ADGRL1: variants seen among roughly 807,000 people sequenced by gnomAD.
ADGRL1 encodes adhesion G protein-coupled receptor L1, also known as CIRL-1.
ADGRL1 carries 31 observed loss-of-function variants against 148.9 expected under a neutral mutation model. That is an observed-to-expected ratio of 0.21 (90% CI 0.16 to 0.28). ADGRL1 has a LOEUF of 0.28. Ranked by LOEUF, ADGRL1 falls within the 10% of genes least tolerant of loss-of-function variation. The probability of loss-of-function intolerance (pLI) is 1.00; values close to 1 mark genes in which losing one functional copy is unlikely to be tolerated. For missense variants in ADGRL1, 1,521 were observed against 2,058.8 expected (o/e 0.74, Z 5.05); for synonymous variants, 937 against 900.3 (o/e 1.04, Z -0.73).
intron 1 of ADGRL1, among the ~76,000 whole-genome samples, chr19:14,204,037 G>C (rs139840482): frequency 6.6e-6 from 1 of 152,132 alleles, no homozygotes; most frequent in Non-Finnish European, 1.5e-5. Flanking sequence ...ATGTGGCTCC[G>C]TGCACGGGTG....
At chr19:14,177,102 C>A (rs1053392930) in intron 3 of ADGRL1, among the ~76,000 whole-genome samples, 1 of 151,990 alleles carries the variant, frequency 6.6e-6, no homozygotes, top group Non-Finnish European at 1.5e-5. Flanking sequence ...TGGTGGCGTG[C>A]GCCTATAATC....
intron 2 of ADGRL1, among the ~76,000 whole-genome samples, chr19:14,178,462 G>A (rs1192727212): frequency 6.6e-6 from 1 of 151,986 alleles, no homozygotes; most frequent in Non-Finnish European, 1.5e-5. Flanking sequence ...CCATGATTGT[G>A]CCATTGCACT....
chr19:14,195,889 C>T (rs1482883958), intron 1 of ADGRL1, among the ~76,000 whole-genome samples: 2 of 152,132 alleles, frequency 1.3e-5, no homozygotes, highest in African/African-American at 4.8e-5. Flanking sequence ...ATCTCCAGTC[C>T]CTGCCCCATC....
intron 3 of ADGRL1, among the ~76,000 whole-genome samples, chr19:14,174,733 A>G (rs1177547861): frequency 6.6e-6 from 1 of 150,566 alleles, no homozygotes; most frequent in Non-Finnish European, 1.5e-5. Context: ...ACAGGGTTTC[A>G]CCATGTTGGC....
At chr19:14,166,661 C>T (rs1359504512) in intron 4 of ADGRL1, among the ~76,000 whole-genome samples, 1 of 151,650 alleles carries the variant, frequency 6.6e-6, no homozygotes, top group South Asian at 2.1e-4. Context: ...TCCCCACCCG[C>T]CCTGGATGCT....
Position 14,150,751 on chromosome 19 carries a change from AG to A in ADGRL1, c.*121del. 8.2e-7 allele frequency: 1 copy of A among 1,226,838 alleles called. No homozygotes were observed. Among genetic ancestry groups the A allele is most frequent in the Non-Finnish European group, 1.1e-6 (1 of 887,272 alleles). 76.0% of individuals were successfully genotyped at this position (1,226,838 alleles called of 1,614,324 possible). On this transcript the variant is annotated 3_prime_UTR_variant, in exon 23 of 23. Coordinates refer to ENST00000361434, the MANE Select transcript of ADGRL1 (RefSeq NM_014921.5). ...GAGGGGACTGTAGGGCCCATGGCTG[AG>A]GGGCACCTGGAGAGAGTGGCCCACC...
Position 14,152,722 on chromosome 19 carries a change from C to T in ADGRL1, c.3423+62G>A, listed in dbSNP as rs1441046846. The T allele has an allele frequency of 2.1e-5, 33 of 1,602,934 alleles. No individual in the cohort carries two copies. The highest frequency in any genetic ancestry group is 2.6e-5 in the Non-Finnish European group (30 of 1,171,796). On this transcript the variant is annotated intron_variant, in intron 19 of 22. Transcript: ENST00000361434. This position sits in a 1 kb window ranked among gnomAD's most constrained non-coding sequence, Gnocchi z 6.1. ...GATCAGAAACCTAGGCCAAGCCACT[C>T]CCCACCTCTCAGGCTCCAGGTTCCA...
chr19:14,155,307 C>T lies in ADGRL1; in HGVS notation c.3294+52G>A. ...CCCTCGCCGCCTTCTCCTGGGTACCCAGGAAACGTCTCCAAGGGAGGCTGT... is the reference window on the plus strand; with the variant it reads ...CCCTCGCCGCCTTCTCCTGGGTACCTAGGAAACGTCTCCAAGGGAGGCTGT... On this transcript the variant is annotated intron_variant, in intron 18 of 22. Transcript: ENST00000361434. The surrounding 1 kb of genome is among the most constrained non-coding windows in gnomAD (Gnocchi z 5.0). 3 of 1,597,148 alleles carry T rather than the reference C, an allele frequency of 1.9e-6. No individual in the cohort carries two copies. The highest frequency in any genetic ancestry group is 1.7e-5 in the Admixed American group (1 of 58,876).
rs778188364 is a variant in ADGRL1, at chr19:14,163,187, C to T, written c.614G>A (p.Arg205His). The T allele has an allele frequency of 1.5e-5, 24 of 1,613,866 alleles. No homozygotes were observed. The East Asian group carries it at 2.0e-4, about 13-fold the overall frequency. The change falls in exon 5 of 23, where the codon CGC becomes CAC. Residue 205 changes from arginine (R) to histidine (H), a missense_variant. Coordinates refer to ENST00000361434, the MANE Select transcript of ADGRL1 (RefSeq NM_014921.5). The part of the protein sequence containing the change: ...RHTTTYRLPN[R>H]VDGTGFVVYD... ...GACCACAAAGCCTGTGCCATCCACG[C>T]GGTTGGGCAGGCGGTAGGTGGTGGT...
In ADGRL1 at chr19:14,160,474, A is replaced by C. The variant is rs889916429; in HGVS notation, c.1614+119T>G. 2.1e-6 allele frequency: 2 copies of C among 934,010 alleles called. No individual in the cohort carries two copies. Among genetic ancestry groups the C allele is most frequent in the East Asian group, 2.6e-5 (1 of 37,912 alleles). The allele number at this position is 934,010 out of a possible 1,614,324, so 57.9% of individuals were successfully genotyped here. A position where few individuals can be genotyped will look rare whatever the true frequency, so the allele number is the denominator to read the frequency against. On this transcript the variant is annotated intron_variant, in intron 7 of 22. Transcript: ENST00000361434. This position sits in a 1 kb window ranked among gnomAD's most constrained non-coding sequence, Gnocchi z 5.9. ...CTTTGTAGGCCAGGGAGGTGACCCC[A>C]CAGTCCTGCCTTCCAGACCTGCCAG...
At chr19:14,175,906 A>C (rs1428498803) in intron 3 of ADGRL1, among the ~76,000 whole-genome samples, 1 of 152,028 alleles carries the variant, frequency 6.6e-6, no homozygotes, top group Non-Finnish European at 1.5e-5. Flanking sequence ...ATACAAAAAT[A>C]AGCTGGGCAT....
chr19:14,193,253 GC>G (rs894703736), intron 1 of ADGRL1, among the ~76,000 whole-genome samples: 16 of 100,292 alleles, frequency 1.6e-4, no homozygotes, highest in African/African-American at 6.5e-4. Flanking sequence ...TTGAAATATG[GC>G]CCCCCGCCCC....
At chr19:14,187,498 G>A (rs888229546) in intron 1 of ADGRL1, among the ~76,000 whole-genome samples, 3 of 151,160 alleles carry the variant, frequency 2.0e-5, no homozygotes, top group Admixed American at 6.6e-5. Flanking sequence ...GTAGCTCTCT[G>A]CCCGCTTCCC....
At chr19:14,183,086 A>G (rs1021855336) in intron 2 of ADGRL1, among the ~76,000 whole-genome samples, 1 of 152,130 alleles carries the variant, frequency 6.6e-6, no homozygotes, top group Non-Finnish European at 1.5e-5. Context: ...GCAGGATCCT[A>G]GGGCCGGCAT....
intron 1 of ADGRL1, among the ~76,000 whole-genome samples, chr19:14,189,571 A>T (rs964857785): frequency 6.6e-6 from 1 of 152,078 alleles, no homozygotes; most frequent in African/African-American, 2.4e-5. Flanking sequence ...CCACGTTTCC[A>T]AGGCTCACCT....
chr19:14,168,072 C>G (rs1282750094), intron 4 of ADGRL1, among the ~76,000 whole-genome samples: 1 of 151,304 alleles, frequency 6.6e-6, no homozygotes, highest in African/African-American at 2.4e-5. Context: ...CCCACCCTCA[C>G]CAGCACTGGG....
chr19:14,183,191 C>CAGAG lies in ADGRL1; in HGVS notation c.70+341_70+342insCTCT, dbSNP rs1455973222. 4.4e-3 allele frequency among the ~76,000 whole-genome samples: 349 copies of CAGAG among 79,138 alleles called. 2 individuals are homozygous for CAGAG. Among genetic ancestry groups the CAGAG allele is most frequent in the African/African-American group, 0.013 (328 of 24,786 alleles). 51.9% of individuals were successfully genotyped at this position (79,138 alleles called of 152,430 possible). Reference sequence around the variant, plus strand: ...CCAGTGAGAGCCTCGAAGATGTAATCACAGAGAGAGAGAGAGAGAGAGAGA... The same window carrying CAGAG: ...CCAGTGAGAGCCTCGAAGATGTAATCAGAGACAGAGAGAGAGAGAGAGAGAGAGA... On this transcript the variant is annotated intron_variant, in intron 2 of 22. Coordinates refer to ENST00000361434, the MANE Select transcript of ADGRL1 (RefSeq NM_014921.5).
chr19:14,194,561 A>C (rs1354354452), intron 1 of ADGRL1, among the ~76,000 whole-genome samples: 1 of 152,224 alleles, frequency 6.6e-6, no homozygotes, highest in Non-Finnish European at 1.5e-5. Flanking sequence ...CCCACAGTTT[A>C]CAGAGGAGGA....
At chr19:14,205,069 TGTCTTCA>T (rs1464437275) in intron 1 of ADGRL1, among the ~76,000 whole-genome samples, 1 of 151,734 alleles carries the variant, frequency 6.6e-6, no homozygotes, top group East Asian at 1.9e-4. Context: ...AGCCAGCGGC[TGTCTTCA>T]GATGGGGGCC....
Sources: gnomAD v4.1 joint callset for allele counts (sites outside exome capture counted in the v4.1 genomes callset) on GRCh38, gnomAD v4.1.1 for gene constraint, Gnocchi (gnomAD v3.1) non-coding constraint, MANE v1.5 for transcripts, NCBI Gene and HGNC (gene_info 2026-07-23, HGNC 2026-07-21) for gene names.